CFAP100: variants seen among roughly 807,000 people sequenced by gnomAD.
CFAP100 encodes cilia and flagella associated protein 100, also known as cilia- and flagella-associated protein 100.
Under a neutral mutation model 81.5 loss-of-function variants are expected in CFAP100, and 70 were observed. The ratio of observed to expected loss-of-function variants is 0.86; its 90% CI spans 0.71 to 1.05. The LOEUF is 1.05. Ranked by LOEUF, CFAP100 falls within the 50% of genes least tolerant of loss-of-function variation. The probability of loss-of-function intolerance (pLI) is 0.00; values close to 1 mark genes in which losing one functional copy is unlikely to be tolerated. For missense variants in CFAP100, 811 were observed against 776.5 expected, an observed-to-expected ratio of 1.04 and a Z score of -0.53; for synonymous variants, 341 against 314.8, an observed-to-expected ratio of 1.08 and a Z score of -0.88.
At chr3:126,401,170 G>A (rs373885686) in intron 2 of CFAP100, among the ~76,000 whole-genome samples, 1 of 152,050 alleles carries the variant, frequency 6.6e-6, no homozygotes, top group East Asian at 1.9e-4. Context: ...GGAGGCCACC[G>A]GGGCTGGGGA....
chr3:126,429,900 T>TCCTC (rs1428872363), intron 13 of CFAP100, among the ~76,000 whole-genome samples: 4 of 152,188 alleles, frequency 2.6e-5, no homozygotes, highest in Admixed American at 6.5e-5. Flanking sequence ...AGTCTTTATC[T>TCCTC]CCTCTTCATT....
At chr3:126,434,555 G>T in intron 15 of CFAP100, 174 bp downstream of exon 15, 1 of 652,592 alleles carries the variant, frequency 1.5e-6, no homozygotes, top group Non-Finnish European at 2.6e-6. Context: ...ACAGTCAAGT[G>T]GGGGGTGGTT....
intron 11 of CFAP100, among the ~76,000 whole-genome samples, chr3:126,422,719 A>G (rs1389569709): frequency 1.3e-5 from 2 of 152,216 alleles, no homozygotes; most frequent in Non-Finnish European, 2.9e-5. Context: ...CAGCCCTGAG[A>G]GTCCCTCTAT....
chr3:126,419,872 C>T lies in CFAP100; in HGVS notation c.913+54C>T, dbSNP rs878993638. 5.6e-6 allele frequency: 9 copies of T among 1,608,058 alleles called. No individual in the cohort carries two copies. In the Admixed American group the frequency reaches 6.7e-5, roughly 12 times the overall value. On this transcript the variant is annotated intron_variant, in intron 9 of 16. Coordinates refer to ENST00000352312, the MANE Select transcript of CFAP100 (RefSeq NM_182628.3). ...GGTGGGCTCTGCCAGTGGCCCACTG[C>T]GACCCTGAGCCCAGCTGGCAGGTTA... is the stretch of plus-strand genomic sequence containing the variant.
chr3:126,425,501 T>C (rs1055022754), intron 13 of CFAP100, among the ~76,000 whole-genome samples: 1 of 152,176 alleles, frequency 6.6e-6, no homozygotes, highest in African/African-American at 2.4e-5. Flanking sequence ...AAGGAAGAAA[T>C]TATACCAATT....
chr3:126,416,707 G>A (rs1196701373), intron 5 of CFAP100, 199 bp downstream of exon 5: 16 of 518,334 alleles, frequency 3.1e-5, no homozygotes, highest in African/African-American at 4.0e-5. Context: ...GCAAACCTAA[G>A]AGCTTTTCAA....
intron 11 of CFAP100, chr3:126,420,679 A>C (rs950596950): frequency 1.2e-5 from 2 of 171,206 alleles, no homozygotes; most frequent in Non-Finnish European, 2.5e-5. Flanking sequence ...TCCTGTCTCC[A>C]TGGATTGATG....
chr3:126,395,910 C>A, intron 1 of CFAP100, 32 bp from the exon 2 acceptor site: 2 of 1,127,458 alleles, frequency 1.8e-6, no homozygotes, highest in East Asian at 2.4e-5. Flanking sequence ...GGCTTGGGGA[C>A]CACCAGGCTC....
chr3:126,418,571 C>A, intron 6 of CFAP100, 40 bp from the exon 7 acceptor site: 2 of 1,613,106 alleles, frequency 1.2e-6, no homozygotes, highest in Non-Finnish European at 1.7e-6. Flanking sequence ...CAGTGGCTGG[C>A]CCGGGCCAGG....
At position 126,433,054 on chromosome 3, in the gene CFAP100, T is replaced by A. The variant is rs760984338; in HGVS notation, c.1287-15T>A. 1 of 1,613,856 alleles carries A rather than the reference T, an allele frequency of 6.2e-7. No homozygotes were observed. The highest frequency in any genetic ancestry group is 1.7e-5 in the Admixed American group (1 of 59,984). On this transcript the variant is annotated splice_polypyrimidine_tract_variant and intron_variant, in intron 13 of 16. Transcript: ENST00000352312. Reference sequence around the variant, plus strand: ...GCTGAGTGACTGATGCCCTGCCGGTTTTCCCCTCTTCCAGGGACAGGGAGG... The same window carrying A: ...GCTGAGTGACTGATGCCCTGCCGGTATTCCCCTCTTCCAGGGACAGGGAGG...
intron 2 of CFAP100, among the ~76,000 whole-genome samples, chr3:126,405,849 G>T (rs1309017802): frequency 6.6e-6 from 1 of 152,014 alleles, no homozygotes; most frequent in South Asian, 2.1e-4. Flanking sequence ...GTGCAGTGGC[G>T]CAATTATGGT....
In CFAP100 at chr3:126,435,655, A is replaced by AG. The variant is rs1933417296; in HGVS notation, c.1722+5dup. The AG allele has an allele frequency of 6.2e-7, 1 of 1,609,604 alleles. No homozygotes were observed. The highest frequency in any genetic ancestry group is 1.7e-5 in the Admixed American group (1 of 59,694). ...CCCAGGCTGAGATCAAGAAGAAGGT[A>AG]GGCAGGGTCGCCTTGGGGGGTCTCT... On this transcript the variant is annotated splice_donor_region_variant and intron_variant, in intron 16 of 16. Transcript: ENST00000352312.
In CFAP100 at chr3:126,435,720, T is replaced by G; in HGVS notation, c.1722+68T>G. 3.1e-6 allele frequency: 4 copies of G among 1,292,898 alleles called. No homozygotes were observed. The South Asian group carries it at 3.9e-5, about 13-fold the overall frequency. The allele number at this position is 1,292,898 out of a possible 1,614,324, so 80.1% of individuals were successfully genotyped here. A position where few individuals can be genotyped will look rare whatever the true frequency, so the allele number is the denominator to read the frequency against. ...CAAGACAGCATGGCAGCTGAGGTCC[T>G]GCAGCCCAAGCCCCTGATGCTACCA... is the stretch of plus-strand genomic sequence containing the variant. On this transcript the variant is annotated intron_variant, in intron 16 of 16. Coordinates refer to ENST00000352312, the MANE Select transcript of CFAP100 (RefSeq NM_182628.3).
intron 13 of CFAP100, among the ~76,000 whole-genome samples, chr3:126,428,587 T>C (rs773300251): frequency 6.6e-6 from 1 of 152,256 alleles, no homozygotes; most frequent in South Asian, 2.1e-4. Flanking sequence ...GGGATGTTGA[T>C]AGTGGGAGAG....
At chr3:126,426,531 C>T (rs1292599758) in intron 13 of CFAP100, among the ~76,000 whole-genome samples, 1 of 151,826 alleles carries the variant, frequency 6.6e-6, no homozygotes, top group Admixed American at 6.6e-5. Context: ...GCAGGCAGAC[C>T]ATGAGGTCAG....
intron 11 of CFAP100, among the ~76,000 whole-genome samples, chr3:126,422,052 C>T (rs1022626322): frequency 6.6e-6 from 1 of 152,188 alleles, no homozygotes; most frequent in African/African-American, 2.4e-5. Flanking sequence ...AATCCTGGCC[C>T]CTCCATCTAT....
intron 5 of CFAP100, chr3:126,416,724 T>C (rs1343158750): frequency 6.2e-6 from 3 of 484,912 alleles, no homozygotes; most frequent in Admixed American, 4.0e-5. Flanking sequence ...TCAATCCTAA[T>C]AGAATAGTTC....
At position 126,436,360 on chromosome 3, in the gene CFAP100, C is replaced by A. The variant is rs1217048958; in HGVS notation, c.1792C>A (p.Leu598Met). ...GATCAAACAACAGTCTGAGCACACA[C>A]TGATGGACAAGGAGGAGGAGGAGCT... Reference protein sequence around the residue: ...HRIKQQSEHTLMDKEEEELLF... With the variant: ...HRIKQQSEHTMMDKEEEELLF... The change falls in exon 17 of 17, where the codon CTG becomes ATG. Residue 598 changes from leucine to methionine, a missense_variant. By Grantham distance (15) the Leu-to-Met change is conservative (BLOSUM62 2). Coordinates refer to ENST00000352312, the MANE Select transcript of CFAP100 (RefSeq NM_182628.3). 1 of 1,614,202 alleles carries A rather than the reference C, an allele frequency of 6.2e-7. No homozygotes were observed. Among genetic ancestry groups the A allele is most frequent in the Non-Finnish European group, 8.5e-7 (1 of 1,180,026 alleles).
At position 126,418,619 on chromosome 3, in the gene CFAP100, G is replaced by A; in HGVS notation, c.495G>A (p.Leu165=). 6.2e-7 allele frequency: 1 copy of A among 1,606,510 alleles called. No individual in the cohort carries two copies. Among genetic ancestry groups the A allele is most frequent in the Non-Finnish European group, 8.5e-7 (1 of 1,176,302 alleles). ...KRQMFLLQYA[L]DVKRREIQRL... is the part of the protein sequence containing the mutation. ...ACTCTGCTGGCCCCCAGTATGCCCT[G>A]GATGTCAAGCGGAGAGAGATCCAGC... The change falls in exon 7 of 17, where the codon CTG becomes CTA. Residue 165 remains leucine, a synonymous_variant. Coordinates refer to ENST00000352312, the MANE Select transcript of CFAP100 (RefSeq NM_182628.3).
Sources: allele counts gnomAD v4.1 joint callset (sites outside exome capture counted in the v4.1 genomes callset), GRCh38; gene constraint gnomAD v4.1.1; transcripts MANE v1.5; gene names NCBI Gene and HGNC (gene_info 2026-07-23, HGNC 2026-07-21).